BAZ1A: variants seen among roughly 807,000 people sequenced by gnomAD.
BAZ1A encodes the protein bromodomain adjacent to zinc finger domain protein 1A.
BAZ1A carries 50 observed loss-of-function variants against 185.2 expected under a neutral mutation model. That is an observed-to-expected ratio of 0.27 (90% CI 0.22 to 0.34). BAZ1A has a LOEUF of 0.34. Among genes scored for constraint, BAZ1A ranks in the 10% least tolerant of loss-of-function variants. BAZ1A has a pLI of 1.00. For missense variants in BAZ1A, 1,356 were observed against 1,839.9 expected, an observed-to-expected ratio of 0.74 and a Z score of 4.81; for synonymous variants, 571 against 615.6, an observed-to-expected ratio of 0.93 and a Z score of 1.07.
rs1886387922 is a variant in BAZ1A at position 34,758,912 on chromosome 14, C to T, written c.4244-66G>A. 2.7e-6 allele frequency: 4 copies of T among 1,502,576 alleles called. No individual in the cohort carries two copies. In the East Asian group the frequency reaches 6.8e-5, roughly 26 times the overall value. The allele number at this position is 1,502,576 out of a possible 1,614,324, so 93.1% of individuals were successfully genotyped here. A position where few individuals can be genotyped will look rare whatever the true frequency, so the allele number is the denominator to read the frequency against. On this transcript the variant is annotated intron_variant, in intron 24 of 26. Coordinates refer to ENST00000360310, the MANE Select transcript of BAZ1A (RefSeq NM_013448.3). ...AAATATTGGTTCACTACACGCCAAACTGGATATATAAATACCAAATTCCAA... is the reference window on the plus strand; with the variant it reads ...AAATATTGGTTCACTACACGCCAAATTGGATATATAAATACCAAATTCCAA...
chr14:34,800,262 T>C lies in BAZ1A; in HGVS notation c.1090A>G (p.Lys364Glu). 1 of 1,422,914 alleles carries C rather than the reference T, an allele frequency of 7.0e-7. No homozygotes were observed. Among genetic ancestry groups the C allele is most frequent in the Non-Finnish European group, 9.5e-7 (1 of 1,049,700 alleles). The allele number at this position is 1,422,914 out of a possible 1,614,324, so 88.1% of individuals were successfully genotyped here. The part of the protein sequence containing the change: ...KIVEEERLKK[K>E]EEKERLKVER... Reference sequence around the variant, plus strand: ...ACTTTAAGCCTCTCTTTTTCTTCTTTTTTCTTTAGTCTCTCTTCTTCAACA... The same window carrying C: ...ACTTTAAGCCTCTCTTTTTCTTCTTCTTTCTTTAGTCTCTCTTCTTCAACA... The change falls in exon 9 of 27, where the codon AAA becomes GAA. Residue 364 changes from lysine to glutamate, a missense_variant. Transcript: ENST00000360310.
chr14:34,763,775 C>CT (rs762990440), intron 23 of BAZ1A, among the ~76,000 whole-genome samples: 57 of 151,248 alleles, frequency 3.8e-4, no homozygotes, highest in South Asian at 6.3e-4. Flanking sequence ...TAGAAATGCA[C>CT]TTTTTTTTTA....
chr14:34,783,559 C>T (rs181281787), intron 15 of BAZ1A, among the ~76,000 whole-genome samples: 18 of 152,226 alleles, frequency 1.2e-4, no homozygotes, highest in African/African-American at 4.3e-4. Flanking sequence ...TAGTCTCGAA[C>T]TCCTGACCTC....
rs142897833 is a variant in BAZ1A at position 34,799,151 on chromosome 14, G to A, written c.1128+1073C>T. Reference sequence around the variant, plus strand: ...TCACAAGGACAGAAAACCAAACACCGCATGTTCTCACTCATAGGTGGGACT... The same window carrying A: ...TCACAAGGACAGAAAACCAAACACCACATGTTCTCACTCATAGGTGGGACT... On this transcript the variant is annotated intron_variant, in intron 9 of 26. Transcript: ENST00000360310. 6.9e-3 allele frequency among the ~76,000 whole-genome samples: 1,005 copies of A among 146,244 alleles called. 17 individuals are homozygous for A. Among genetic ancestry groups the A allele is most frequent in the African/African-American group, 0.023 (896 of 39,580 alleles).
intron 3 of BAZ1A, among the ~76,000 whole-genome samples, chr14:34,843,002 T>C (rs573778924): frequency 7.9e-5 from 12 of 152,092 alleles, no homozygotes; most frequent in African/African-American, 2.7e-4. Context: ...AAACCTAGAA[T>C]AGTTCCTGCA....
At chr14:34,811,556 C>A (rs2041930686) in intron 4 of BAZ1A, among the ~76,000 whole-genome samples, 1 of 152,022 alleles carries the variant, frequency 6.6e-6, no homozygotes, top group African/African-American at 2.4e-5. Flanking sequence ...AAACTCCTGG[C>A]CCCCAGAGAT....
At chr14:34,845,486 G>A (rs2042495243) in intron 3 of BAZ1A, 1 of 151,876 alleles carries the variant, frequency 6.6e-6, no homozygotes, top group African/African-American at 2.4e-5. Flanking sequence ...AGCCTCCTAG[G>A]CAGCATGGAA....
At chr14:34,872,927 A>AC (rs2042972847) in intron 2 of BAZ1A, among the ~76,000 whole-genome samples, 2 of 144,670 alleles carry the variant, frequency 1.4e-5, no homozygotes, top group African/African-American at 2.5e-5. Flanking sequence ...AAAAAAAAAA[A>AC]AAAAAAAAAA....
At chr14:34,806,868 G>A (rs1190220888) in intron 6 of BAZ1A, among the ~76,000 whole-genome samples, 2 of 151,542 alleles carry the variant, frequency 1.3e-5, no homozygotes, top group African/African-American at 4.9e-5. Context: ...TTTTACCTCA[G>A]CTTCCTAAGT....
chr14:34,826,004 A>G lies in BAZ1A; in HGVS notation c.536+9T>C. The G allele has an allele frequency of 1.3e-6, 2 of 1,520,226 alleles. No homozygotes were observed. The highest frequency in any genetic ancestry group is 1.8e-6 in the Non-Finnish European group (2 of 1,137,488). The allele number at this position is 1,520,226 out of a possible 1,614,324, so 94.2% of individuals were successfully genotyped here. A position where few individuals can be genotyped will look rare whatever the true frequency, so the allele number is the denominator to read the frequency against. ...CCAAATAATTTAAAAATTAATAAAA[A>G]TCACTTACCCATTTTGAAAAGAACA... On this transcript the variant is annotated intron_variant, in intron 4 of 26. Coordinates refer to ENST00000360310, the MANE Select transcript of BAZ1A (RefSeq NM_013448.3).
chr14:34,841,446 A>G (rs763805456), intron 3 of BAZ1A, among the ~76,000 whole-genome samples: 3 of 152,094 alleles, frequency 2.0e-5, no homozygotes, highest in Non-Finnish European at 4.4e-5. Flanking sequence ...GCTGGAGTGC[A>G]ATGGTGCAAT....
chr14:34,762,302 T>G lies in BAZ1A; in HGVS notation c.3777-79A>C. 5 of 1,350,066 alleles carry G rather than the reference T, an allele frequency of 3.7e-6. 1 individual carries two copies. The South Asian group carries it at 6.8e-5, about 18-fold the overall frequency. The allele number at this position is 1,350,066 out of a possible 1,614,324, so 83.6% of individuals were successfully genotyped here. On this transcript the variant is annotated intron_variant, in intron 23 of 26. Transcript: ENST00000360310. ...GATTAGCTCTATTCTCCTTGTTGTA[T>G]TTAGCCAATGAGTTTATACAAATTT...
chr14:34,852,493 C>A (rs985316282), intron 3 of BAZ1A, among the ~76,000 whole-genome samples: 1 of 152,054 alleles, frequency 6.6e-6, no homozygotes, highest in Middle Eastern at 3.2e-3. Context: ...GGCACGCACG[C>A]CCGTATTCCC....
intron 12 of BAZ1A, among the ~76,000 whole-genome samples, chr14:34,790,076 A>G (rs933050450): frequency 2.0e-5 from 3 of 152,232 alleles, no homozygotes; most frequent in Non-Finnish European, 4.4e-5. Context: ...ACTATGTAAA[A>G]TGTGGCCAAT....
chr14:34,873,885 G>GC (rs2042994842), intron 2 of BAZ1A, among the ~76,000 whole-genome samples: 1 of 152,122 alleles, frequency 6.6e-6, no homozygotes, highest in Admixed American at 6.5e-5. Flanking sequence ...CGCGTCCCGC[G>GC]CCCTCCACCC....
At chr14:34,857,248 T>C (rs569011628) in intron 3 of BAZ1A, among the ~76,000 whole-genome samples, 36 of 152,164 alleles carry the variant, frequency 2.4e-4, no homozygotes, top group African/African-American at 8.7e-4. Context: ...CCTCATGATC[T>C]GCCCGCCTTG....
At chr14:34,865,596 G>A (rs551566690) in intron 2 of BAZ1A, among the ~76,000 whole-genome samples, 19 of 152,086 alleles carry the variant, frequency 1.2e-4, no homozygotes, top group Non-Finnish European at 1.8e-4. Flanking sequence ...AGGTATCTAC[G>A]GAAATAAAGC....
chr14:34,818,894 C>G, intron 4 of BAZ1A, among the ~76,000 whole-genome samples: 1 of 152,200 alleles, frequency 6.6e-6, no homozygotes, highest in East Asian at 1.9e-4. Flanking sequence ...GTAATACCAG[C>G]ACTTTGGGAG....
At chr14:34,785,319 T>C (rs1378784971) in intron 14 of BAZ1A, among the ~76,000 whole-genome samples, 6 of 152,374 alleles carry the variant, frequency 3.9e-5, no homozygotes, top group Middle Eastern at 3.4e-3. Context: ...TAAGGTATTC[T>C]ACTTTACTGT....
Sources: gnomAD v4.1 joint callset for allele counts (sites outside exome capture counted in the v4.1 genomes callset) on GRCh38, gnomAD v4.1.1 for gene constraint, MANE v1.5 for transcripts, NCBI Gene and HGNC (gene_info 2026-07-23, HGNC 2026-07-21) for gene names.